Variants in CPQ observed in about 807,000 individuals in gnomAD.
CPQ encodes Ser-Met dipeptidase.
A neutral mutation model predicts 45.7 loss-of-function variants in CPQ; 37 were observed. The observed-to-expected ratio is 0.81, with a 90% CI of 0.62 to 1.07. The LOEUF (loss-of-function observed/expected upper bound fraction) is 1.07, where lower values mean the gene tolerates loss of function less well. Ranked by LOEUF, CPQ falls within the 50% of genes least tolerant of loss-of-function variation. The probability of loss-of-function intolerance (pLI) is 0.00; values close to 1 mark genes in which losing one functional copy is unlikely to be tolerated. For synonymous variants in CPQ, 186 were observed against 205.8 expected, an observed-to-expected ratio of 0.90 and a Z score of 0.82; for missense variants, 537 against 572.9, an observed-to-expected ratio of 0.94 and a Z score of 0.64.
chr8:96,789,843 C>T (rs557706905), intron 2 of CPQ, among the ~76,000 whole-genome samples: 6 of 152,284 alleles, frequency 3.9e-5, no homozygotes, highest in South Asian at 2.1e-4. Context: ...CCTTTGTTGA[C>T]GGATCTGTGT....
intron 5 of CPQ, among the ~76,000 whole-genome samples, chr8:97,007,418 G>C (rs1809402323): frequency 1.3e-5 from 2 of 152,158 alleles, no homozygotes; most frequent in African/African-American, 4.8e-5. Flanking sequence ...CTAAGAACTT[G>C]CTTCCCTCCT....
At chr8:97,074,722 G>T (rs1810813172) in intron 7 of CPQ, among the ~76,000 whole-genome samples, 1 of 152,134 alleles carries the variant, frequency 6.6e-6, no homozygotes, top group African/African-American at 2.4e-5. Context: ...AGTGAGCCAA[G>T]ATTGTGCCAC....
chr8:96,806,546 G>C (rs1811082733), intron 2 of CPQ, among the ~76,000 whole-genome samples: 1 of 152,138 alleles, frequency 6.6e-6, no homozygotes, highest in African/African-American at 2.4e-5. Flanking sequence ...ATTTATACAA[G>C]GAAATACTAG....
chr8:97,117,161 T>C (rs1811609554), intron 7 of CPQ, among the ~76,000 whole-genome samples: 2 of 152,238 alleles, frequency 1.3e-5, no homozygotes, highest in Non-Finnish European at 2.9e-5. Flanking sequence ...TGTATATTTT[T>C]AGACATTTTA....
chr8:96,891,507 A>G (rs1371720673), intron 4 of CPQ, among the ~76,000 whole-genome samples: 1 of 152,132 alleles, frequency 6.6e-6, no homozygotes, highest in Non-Finnish European at 1.5e-5. Context: ...CACCATGGCC[A>G]CTTTGTTCAT....
At chr8:96,710,169 A>T (rs1329443009) in intron 1 of CPQ, among the ~76,000 whole-genome samples, 3 of 152,000 alleles carry the variant, frequency 2.0e-5, no homozygotes, top group African/African-American at 7.2e-5. Context: ...TTTCTAGTTT[A>T]TGTGCATAGA....
intron 3 of CPQ, among the ~76,000 whole-genome samples, chr8:96,839,400 A>C (rs1811575284): frequency 6.6e-6 from 1 of 152,026 alleles, no homozygotes; most frequent in African/African-American, 2.4e-5. Flanking sequence ...TTCTAATGAC[A>C]CTTCTTTCCA....
intron 3 of CPQ, among the ~76,000 whole-genome samples, chr8:96,867,254 TA>T (rs1812007786): frequency 6.6e-6 from 1 of 152,064 alleles, no homozygotes; most frequent in Non-Finnish European, 1.5e-5. Context: ...GATTATTAAT[TA>T]AAACTGCAAA....
chr8:96,933,602 A>T (rs1813003131), intron 4 of CPQ, among the ~76,000 whole-genome samples: 1 of 152,164 alleles, frequency 6.6e-6, no homozygotes, highest in Admixed American at 6.6e-5. Context: ...AGGGCAGAGG[A>T]ACACTTAGGA....
At chr8:96,795,574 G>A (rs1390412293) in intron 2 of CPQ, among the ~76,000 whole-genome samples, 1 of 152,064 alleles carries the variant, frequency 6.6e-6, no homozygotes, top group Non-Finnish European at 1.5e-5. Context: ...ACTGCATATA[G>A]TTTGTGTCCT....
At position 97,123,760 on chromosome 8, in the gene CPQ, A is replaced by C. The variant is rs189253231; in HGVS notation, c.1256-19260A>C. Among the ~76,000 whole-genome samples the C allele has an allele frequency of 2.9e-3, 435 of 151,910 alleles. 2 individuals are homozygous for C. Among genetic ancestry groups the C allele is most frequent in the Admixed American group, 5.0e-3 (77 of 15,270 alleles). On this transcript the variant is annotated intron_variant, in intron 7 of 7. Coordinates refer to ENST00000220763, the MANE Select transcript of CPQ (RefSeq NM_016134.4). ...AAAAAGCAAGATTCAGTTATATGCT[A>C]TTTACAAAAAAAATATTTTAAATAT... is the stretch of plus-strand genomic sequence containing the variant.
At chr8:97,135,545 A>C (rs940956173) in intron 7 of CPQ, among the ~76,000 whole-genome samples, 111 of 152,266 alleles carry the variant, frequency 7.3e-4, no homozygotes, top group African/African-American at 2.5e-3. Context: ...AATAATAATA[A>C]TTTTAATTAA....
chr8:96,728,558 G>A (rs530650287), intron 1 of CPQ, among the ~76,000 whole-genome samples: 83 of 152,246 alleles, frequency 5.5e-4, no homozygotes, highest in African/African-American at 1.9e-3. Context: ...GAGCATTTGA[G>A]AATATCCTTC....
chr8:96,913,394 C>T (rs1478710684), intron 4 of CPQ, among the ~76,000 whole-genome samples: 2 of 152,108 alleles, frequency 1.3e-5, no homozygotes, highest in South Asian at 2.1e-4. Context: ...GTTACAAATG[C>T]GGTGTGCTTC....
At chr8:96,926,576 C>CTTCTTCT (rs1812882233) in intron 4 of CPQ, among the ~76,000 whole-genome samples, 2,301 of 74,978 alleles carry the variant, frequency 0.031, 70 homozygotes, top group Non-Finnish European at 0.036. Flanking sequence ...CTTCCTCTTC[C>CTTCTTCT]TCTTCTTCTT....
intron 1 of CPQ, among the ~76,000 whole-genome samples, chr8:96,701,989 G>GTT (rs1445337337): frequency 6.6e-6 from 1 of 152,196 alleles, no homozygotes; most frequent in Non-Finnish European, 1.5e-5. Context: ...GGCATTGTCA[G>GTT]TTTTTCATCT....
At chr8:96,976,303 A>G (rs1359398193) in intron 5 of CPQ, among the ~76,000 whole-genome samples, 1 of 151,678 alleles carries the variant, frequency 6.6e-6, no homozygotes, top group Non-Finnish European at 1.5e-5. Flanking sequence ...AAGGACGTGA[A>G]AGACCTCTAC....
At chr8:97,134,866 A>T (rs1216276714) in intron 7 of CPQ, among the ~76,000 whole-genome samples, 2 of 152,228 alleles carry the variant, frequency 1.3e-5, no homozygotes, top group African/African-American at 4.8e-5. Context: ...TCATCTCCAG[A>T]AAGCCCTCAG....
intron 2 of CPQ, among the ~76,000 whole-genome samples, chr8:96,830,955 G>T (rs931549258): frequency 6.6e-6 from 1 of 152,160 alleles, no homozygotes; most frequent in Non-Finnish European, 1.5e-5. Flanking sequence ...ATATCCAATA[G>T]TTACAAATCT....
Sources: gnomAD v4.1 joint callset for allele counts (sites outside exome capture counted in the v4.1 genomes callset) on GRCh38, gnomAD v4.1.1 for gene constraint, MANE v1.5 for transcripts, NCBI Gene and HGNC (gene_info 2026-07-23, HGNC 2026-07-21) for gene names.